Variants in NOX5 observed in about 807,000 individuals in gnomAD.
NOX5 encodes NADPH oxidase, EF-hand calcium binding domain 5.
Under a neutral mutation model 85.7 loss-of-function variants are expected in NOX5, and 76 were observed. The observed-to-expected ratio is 0.89, with a 90% CI of 0.74 to 1.07. NOX5 has a LOEUF of 1.07. NOX5 is among the 50% of genes least tolerant of loss of function. The pLI is 0.00. For missense variants in NOX5, 973 were observed against 999.5 expected, an observed-to-expected ratio of 0.97 and a Z score of 0.36; for synonymous variants, 405 against 401.4, an observed-to-expected ratio of 1.01 and a Z score of -0.11.
chr15:69,023,094 G>T, intron 1 of NOX5: 1 of 421,830 alleles, frequency 2.4e-6, no homozygotes, highest in South Asian at 2.1e-5. Context: ...TAACCCTGCA[G>T]ACTTCTTCCT....
chr15:69,024,679 C>T (rs1388037040), intron 1 of NOX5, among the ~76,000 whole-genome samples: 1 of 152,030 alleles, frequency 6.6e-6, no homozygotes, highest in Non-Finnish European at 1.5e-5. Flanking sequence ...AGCTAATTTA[C>T]AAATTAAACT....
chr15:69,036,983 C>A (rs371232013), intron 7 of NOX5, 45 bp from the exon 8 acceptor site: 4 of 1,525,564 alleles, frequency 2.6e-6, no homozygotes, highest in Non-Finnish European at 3.6e-6. Context: ...TTCCACCCCC[C>A]AGGCCTTGAG....
In NOX5 at chr15:69,026,662, G is replaced by T. The variant is rs1217100473; in HGVS notation, c.174+11G>T. The T allele has an allele frequency of 1.9e-6, 3 of 1,613,884 alleles. No homozygotes were observed. In the East Asian group the frequency reaches 6.7e-5, roughly 36 times the overall value. On this transcript the variant is annotated intron_variant, in intron 2 of 15. Transcript: ENST00000388866. ...CTGCATGTGAAAGAGGCAAGTGTTGGGCCAAGGTGGAAGCCCTGCATTTAT... is the reference window on the plus strand; with the variant it reads ...CTGCATGTGAAAGAGGCAAGTGTTGTGCCAAGGTGGAAGCCCTGCATTTAT...
rs145922407 is a variant in NOX5 at position 69,028,114 on chromosome 15, AC to A, written c.175-94del. ...CCTGAATACCGCCACTCTGTGGTGC[AC>A]CCCCCCACCACCACCCCAGACACAG... On this transcript the variant is annotated intron_variant, in intron 2 of 15. Transcript: ENST00000388866. The A allele has an allele frequency of 2.1e-4, 269 of 1,291,058 alleles. 1 individual carries two copies. In the East Asian group the frequency reaches 3.9e-3, roughly 18 times the overall value. The allele number at this position is 1,291,058 out of a possible 1,614,324, so 80.0% of individuals were successfully genotyped here.
In NOX5 at chr15:69,058,441, T is replaced by A. The variant is rs1028054457; in HGVS notation, c.*1745T>A. On this transcript the variant is annotated 3_prime_UTR_variant, in exon 16 of 16. Transcript: ENST00000388866. The stretch of plus-strand genomic sequence containing the variant: ...GCCCTGGGAAGGGGAAGGCAAAACA[T>A]ACCCTGAGGACTGGGACAGAGCAGG... 6.5e-6 allele frequency: 1 copy of A among 152,764 alleles called. No individual in the cohort carries two copies. The highest frequency in any genetic ancestry group is 2.4e-5 in the African/African-American group (1 of 41,394). 9.5% of individuals were successfully genotyped at this position (152,764 alleles called of 1,614,324 possible).
Position 69,026,591 on chromosome 15 carries a change from T to C in NOX5, c.114T>C (p.Ile38=). 1 of 1,614,160 alleles carries C rather than the reference T, an allele frequency of 6.2e-7. No individual in the cohort carries two copies. Among genetic ancestry groups the C allele is most frequent in the Non-Finnish European group, 8.5e-7 (1 of 1,180,014 alleles). The change falls in exon 2 of 16, where the codon ATT becomes ATC. Residue 38 remains isoleucine (I), a synonymous_variant. Transcript: ENST00000388866. ...GGGTGACTCAGCAGTTTAAGACCAT[T>C]GCAGGAGAAGATGGGGAGATCAGCC... is the stretch of plus-strand genomic sequence containing the variant. ...LRWVTQQFKT[I]AGEDGEISLQ...
In NOX5 at chr15:69,048,990, G is replaced by T; in HGVS notation, c.1931G>T (p.Arg644Leu). The change falls in exon 14 of 16, where the codon CGG becomes CTG. Residue 644 changes from arginine to leucine, a missense_variant. Physicochemically the swap from Arg to Leu is moderately radical, Grantham distance 102. Coordinates refer to ENST00000388866, the MANE Select transcript of NOX5 (RefSeq NM_024505.4). ...TTTATCTGGATCAACAGAGACCAGC[G>T]GTCTTTCGAGTGGTTTGTGAGCCTG... ...VDFIWINRDQRSFEWFVSLLT... is the reference protein window; with the variant it reads ...VDFIWINRDQLSFEWFVSLLT... The T allele has an allele frequency of 6.2e-7, 1 of 1,612,818 alleles. No individual in the cohort carries two copies. Among genetic ancestry groups the T allele is most frequent in the South Asian group, 1.1e-5 (1 of 90,548 alleles).
At chr15:69,028,426 G>C in intron 3 of NOX5, 61 bp downstream of exon 3, 1 of 1,478,196 alleles carries the variant, frequency 6.8e-7, no homozygotes, top group South Asian at 1.4e-5. Context: ...AGTGAGAACT[G>C]GCCATTTCAC....
chr15:69,048,628 T>C (rs1484837922), intron 13 of NOX5, among the ~76,000 whole-genome samples: 1 of 152,198 alleles, frequency 6.6e-6, no homozygotes, highest in Non-Finnish European at 1.5e-5. Flanking sequence ...TCATCCTGTA[T>C]AGGCCACTTA....
chr15:69,036,341 A>G (rs531934059), intron 7 of NOX5, among the ~76,000 whole-genome samples: 2 of 152,356 alleles, frequency 1.3e-5, no homozygotes, highest in East Asian at 3.9e-4. Context: ...TAGGAATTAT[A>G]GGCGATAATA....
chr15:69,037,497 C>A, intron 8 of NOX5: 1 of 394,284 alleles, frequency 2.5e-6, no homozygotes, highest in Non-Finnish European at 4.6e-6. Context: ...CTACAGGGTG[C>A]CAGGCCCTGA....
At chr15:69,021,475 G>A (rs1039051808) in intron 1 of NOX5, among the ~76,000 whole-genome samples, 7 of 151,536 alleles carry the variant, frequency 4.6e-5, no homozygotes, top group East Asian at 3.9e-4. Flanking sequence ...GTGCCACCAC[G>A]CCCAGCTAAT....
At chr15:69,045,252 A>G (rs1032566738) in intron 10 of NOX5, among the ~76,000 whole-genome samples, 1 of 152,338 alleles carries the variant, frequency 6.6e-6, no homozygotes, top group East Asian at 1.9e-4. Context: ...AATACTTTCT[A>G]CTTAGTATTT....
chr15:69,041,787 A>G (rs1286107428), intron 9 of NOX5, among the ~76,000 whole-genome samples: 14 of 152,342 alleles, frequency 9.2e-5, no homozygotes, highest in Admixed American at 8.5e-4. Flanking sequence ...CTTGGGCCGC[A>G]TGGGGCCCAG....
chr15:69,025,748 T>C lies in NOX5; in HGVS notation c.51-780T>C, dbSNP rs147157764. 1.2e-4 allele frequency among the ~76,000 whole-genome samples: 18 copies of C among 152,364 alleles called. No homozygotes were observed. In the East Asian group the frequency reaches 3.5e-3, roughly 29 times the overall value. On this transcript the variant is annotated intron_variant, in intron 1 of 15. Transcript: ENST00000388866. ...GCAACAAGAATCTGTAACTCCTCAC[T>C]CACTGCCTCAATTTTGGTTTCCTGG...
At position 69,052,560 on chromosome 15, in the gene NOX5, C is replaced by T. The variant is rs146305565; in HGVS notation, c.2000-2774C>T. 2.5e-3 allele frequency among the ~76,000 whole-genome samples: 377 copies of T among 152,248 alleles called. 4 individuals carry two copies. The highest frequency in any genetic ancestry group is 8.9e-3 in the African/African-American group (368 of 41,540). ...CTTGTTGAGTTCATTAGAACTAGAT[C>T]GTATTTGACTATTTAATTATCACAA... On this transcript the variant is annotated intron_variant, in intron 14 of 15. Transcript: ENST00000388866.
intron 14 of NOX5, among the ~76,000 whole-genome samples, chr15:69,051,020 T>C (rs1008015569): frequency 6.6e-6 from 1 of 152,232 alleles, no homozygotes; most frequent in East Asian, 1.9e-4. Flanking sequence ...GGAGAAACTA[T>C]GCAGATTTTC....
chr15:69,054,264 C>T (rs1456036926), intron 14 of NOX5, among the ~76,000 whole-genome samples: 2 of 152,204 alleles, frequency 1.3e-5, no homozygotes, highest in African/African-American at 4.8e-5. Flanking sequence ...GAGGTGCCCA[C>T]CTGGGAGCCC....
intron 10 of NOX5, among the ~76,000 whole-genome samples, chr15:69,043,089 A>G (rs539389145): frequency 3.3e-5 from 5 of 152,312 alleles, no homozygotes; most frequent in Non-Finnish European, 7.3e-5. Flanking sequence ...TCTCTGCTCT[A>G]ATACTTTCTA....
Sources: allele counts gnomAD v4.1 joint callset (sites outside exome capture counted in the v4.1 genomes callset), GRCh38; gene constraint gnomAD v4.1.1; transcripts MANE v1.5; gene names NCBI Gene and HGNC (gene_info 2026-07-23, HGNC 2026-07-21).